BTNL9: variants seen among roughly 807,000 people sequenced by gnomAD.
BTNL9 encodes the protein butyrophilin-like protein 9.
A neutral mutation model predicts 45.8 loss-of-function variants in BTNL9; 45 were observed. That is an observed-to-expected ratio of 0.98 (90% confidence interval 0.77 to 1.26). The LOEUF (loss-of-function observed/expected upper bound fraction) is 1.26, where lower values mean the gene tolerates loss of function less well. Among genes scored for constraint, BTNL9 ranks in the 50% most tolerant of loss-of-function variants. The probability of loss-of-function intolerance (pLI) is 0.00; values close to 1 mark genes in which losing one functional copy is unlikely to be tolerated. For synonymous variants in BTNL9, 346 were observed against 330.8 expected, an observed-to-expected ratio of 1.05 and a Z score of -0.50; for missense variants, 784 against 729.7, an observed-to-expected ratio of 1.07 and a Z score of -0.86.
intron 1 of BTNL9, among the ~76,000 whole-genome samples, chr5:181,043,017 C>A (rs1307555247): frequency 6.6e-6 from 1 of 152,106 alleles, no homozygotes; most frequent in African/African-American, 2.4e-5. Flanking sequence ...CCACCACTCA[C>A]CCACTGTGTG....
At chr5:181,041,467 A>G (rs1483386438) in intron 1 of BTNL9, among the ~76,000 whole-genome samples, 1 of 152,250 alleles carries the variant, frequency 6.6e-6, no homozygotes, top group Non-Finnish European at 1.5e-5. Context: ...CAGGGAACCA[A>G]CTGAAGTTCC....
intron 1 of BTNL9, among the ~76,000 whole-genome samples, chr5:181,041,130 T>C (rs1760757081): frequency 6.6e-6 from 1 of 152,222 alleles, no homozygotes; most frequent in African/African-American, 2.4e-5. Context: ...AACGTGGTCA[T>C]TTAAGTGTGA....
intron 1 of BTNL9, among the ~76,000 whole-genome samples, chr5:181,043,218 CTG>C (rs1373821115): frequency 8.7e-5 from 3 of 34,354 alleles, no homozygotes; most frequent in African/African-American, 3.1e-4. Flanking sequence ...GTGTGTGCAT[CTG>C]TGTGTGTGTC....
At chr5:181,054,302 A>T in intron 7 of BTNL9, 43 bp downstream of exon 7, 5 of 1,598,922 alleles carry the variant, frequency 3.1e-6, no homozygotes, top group Admixed American at 3.6e-5. Flanking sequence ...TGTCAGCCGG[A>T]CCCTGTGCCT....
Position 181,059,724 on chromosome 5 carries a change from C to T in BTNL9, c.1470C>T (p.Ala490=), listed in dbSNP as rs1002723063. Residue 490 remains alanine, a synonymous_variant, in exon 11 of 11, where the codon GCC becomes GCT. Transcript: ENST00000327705. The part of the protein sequence containing the change: ...GALCAYFRPR[A]HDGGEHPDPL... ...TCTGTGCGTACTTCAGGCCCAGGGC[C>T]CACGACGGCGGCGAACATCCGGATC... 8 of 1,613,418 alleles carry T rather than the reference C, an allele frequency of 5.0e-6. No individual in the cohort carries two copies. The highest frequency in any genetic ancestry group is 6.8e-6 in the Non-Finnish European group (8 of 1,179,960).
intron 3 of BTNL9, 141 bp from the exon 4 acceptor site, chr5:181,049,947 G>T (rs1413819937): frequency 9.3e-7 from 1 of 1,077,614 alleles, no homozygotes; most frequent in Non-Finnish European, 1.3e-6. Context: ...TGGGCGGGGA[G>T]CGCCAAGCCC....
intron 3 of BTNL9, 87 bp downstream of exon 3, chr5:181,048,358 A>G: frequency 8.1e-7 from 1 of 1,234,914 alleles, no homozygotes. Context: ...GAACAGAAGA[A>G]TGTCGGTGAT....
chr5:181,046,342 C>G (rs1213409100), intron 2 of BTNL9, among the ~76,000 whole-genome samples: 3 of 151,984 alleles, frequency 2.0e-5, no homozygotes, highest in Non-Finnish European at 4.4e-5. Flanking sequence ...GCCCCCAACA[C>G]CTCCTGCACA....
At position 181,053,980 on chromosome 5, in the gene BTNL9, T is replaced by A; in HGVS notation, c.887-259T>A. 6.5e-7 allele frequency: 1 copy of A among 1,532,404 alleles called. No homozygotes were observed. Among genetic ancestry groups the A allele is most frequent in the Non-Finnish European group, 8.7e-7 (1 of 1,143,696 alleles). 94.9% of individuals were successfully genotyped at this position (1,532,404 alleles called of 1,614,324 possible). On this transcript the variant is annotated intron_variant, in intron 6 of 10. Transcript: ENST00000327705. This position sits in a 1 kb window ranked among gnomAD's most constrained non-coding sequence, Gnocchi z 6.5. The stretch of plus-strand genomic sequence containing the variant: ...CGCCGAGCTAATAGATTTGGGAGGC[T>A]CCGACCCTGATTTTCACACTAGCAG...
chr5:181,053,853 T>TCGGGC lies in BTNL9; in HGVS notation c.886+353_886+357dup. The TCGGGC allele has an allele frequency of 6.7e-7, 1 of 1,501,842 alleles. No individual in the cohort carries two copies. The highest frequency in any genetic ancestry group is 8.9e-7 in the Non-Finnish European group (1 of 1,125,928). 93.0% of individuals were successfully genotyped at this position (1,501,842 alleles called of 1,614,324 possible). The stretch of plus-strand genomic sequence containing the variant: ...CCAGGTTTTCATAGCGCACAGGGAG[T>TCGGGC]CGGGCGGATGCGCAACATCTCCGCA... On this transcript the variant is annotated intron_variant, in intron 6 of 10. Transcript: ENST00000327705. The surrounding 1 kb of genome is among the most constrained non-coding windows in gnomAD (Gnocchi z 6.5).
chr5:181,047,494 G>A (rs1209676788), intron 2 of BTNL9: 1 of 992,008 alleles, frequency 1.0e-6, no homozygotes, highest in East Asian at 1.1e-4. Flanking sequence ...ATCACCATCA[G>A]CAATTTGATG....
intron 7 of BTNL9, chr5:181,054,593 T>C (rs1761777281): frequency 1.0e-6 from 1 of 985,446 alleles, no homozygotes; most frequent in South Asian, 4.7e-5. Flanking sequence ...GGGTGGCACC[T>C]TTAATTTGCA....
Position 181,059,632 on chromosome 5 carries a change from C to T in BTNL9, c.1378C>T (p.Leu460=). ...GVFLDYEAGE[L]SFFNVSDGSH... The stretch of plus-strand genomic sequence containing the variant: ...CTTCCTGGACTACGAGGCCGGAGAG[C>T]TGTCCTTCTTCAACGTGTCCGACGG... Residue 460 remains leucine, a synonymous_variant, in exon 11 of 11, where the codon CTG becomes TTG. Coordinates refer to ENST00000327705, the MANE Select transcript of BTNL9 (RefSeq NM_152547.5). The T allele has an allele frequency of 6.2e-7, 1 of 1,613,634 alleles. No individual in the cohort carries two copies. The highest frequency in any genetic ancestry group is 1.1e-5 in the South Asian group (1 of 91,078).
intron 10 of BTNL9, 55 bp from the exon 11 acceptor site, chr5:181,059,182 C>T: frequency 1.4e-6 from 2 of 1,427,198 alleles, no homozygotes; most frequent in Non-Finnish European, 1.8e-6. Context: ...TTGGGGAAGA[C>T]ACGGACGGGG....
At position 181,055,942 on chromosome 5, in the gene BTNL9, T is replaced by C. The variant is rs79736358; in HGVS notation, c.929-47T>C. On this transcript the variant is annotated intron_variant, in intron 8 of 10. Coordinates refer to ENST00000327705, the MANE Select transcript of BTNL9 (RefSeq NM_152547.5). The surrounding 1 kb of genome is among the most constrained non-coding windows in gnomAD (Gnocchi z 4.4). Reference sequence around the variant, plus strand: ...AGATGTGATGTGTGAGCAGGGAAGCTTGGGGTCCTGATGTGCTAATTTCCT... The same window carrying C: ...AGATGTGATGTGTGAGCAGGGAAGCCTGGGGTCCTGATGTGCTAATTTCCT... 2.6e-3 allele frequency: 4,124 copies of C among 1,613,056 alleles called. 99 individuals carry two copies. In the African/African-American group the frequency reaches 0.047, roughly 19 times the overall value.
intron 10 of BTNL9, among the ~76,000 whole-genome samples, chr5:181,058,814 T>TAAAA (rs200022713): frequency 1.9e-4 from 26 of 134,988 alleles, no homozygotes; most frequent in African/African-American, 6.7e-4. Context: ...GGACTGTATG[T>TAAAA]AAAAAAAAAA....
chr5:181,042,712 G>GT lies in BTNL9; in HGVS notation c.-24+2280_-24+2281insT, dbSNP rs1760839661. ...TTGACAAAGTCTTAGGGAGACCTCA[G>GT]CTTTAAGTTGTTTTATCTGGCAGCG... On this transcript the variant is annotated intron_variant, in intron 1 of 10. Coordinates refer to ENST00000327705, the MANE Select transcript of BTNL9 (RefSeq NM_152547.5). This position sits in a 1 kb window ranked among gnomAD's most constrained non-coding sequence, Gnocchi z 4.5. Among the ~76,000 whole-genome samples the GT allele has an allele frequency of 6.6e-6, 1 of 152,182 alleles. No individual in the cohort carries two copies. The highest frequency in any genetic ancestry group is 6.5e-5 in the Admixed American group (1 of 15,276).
Position 181,059,356 on chromosome 5 carries a change from TC to T in BTNL9, c.1103del (p.Ser368TrpfsTer7). 6.5e-7 allele frequency: 1 copy of T among 1,541,744 alleles called. No individual in the cohort carries two copies. Among genetic ancestry groups the T allele is most frequent in the Non-Finnish European group, 8.7e-7 (1 of 1,146,254 alleles). On this transcript the variant is annotated frameshift_variant, in exon 11 of 11. Transcript: ENST00000327705. LOFTEE classifies it low-confidence loss of function (END_TRUNC). Reference protein sequence around the residue: ...GPAPGHPQRFSEQTCALSLER... With the variant: ...GPAPGHPQRFXEQTCALSLER... ...GGCGCCTGGCCACCCGCAGCGGTTCTCGGAGCAGACGTGCGCGCTGAGCCTG... is the reference window on the plus strand; with the variant it reads ...GGCGCCTGGCCACCCGCAGCGGTTCTGGAGCAGACGTGCGCGCTGAGCCTG...
At chr5:181,049,729 T>C (rs1761431608) in intron 3 of BTNL9, among the ~76,000 whole-genome samples, 1 of 152,180 alleles carries the variant, frequency 6.6e-6, no homozygotes, top group South Asian at 2.1e-4. Context: ...TCTGGGGGAA[T>C]TCAAGAGAAG....
Sources: gnomAD v4.1 joint callset for allele counts (sites outside exome capture counted in the v4.1 genomes callset) on GRCh38, gnomAD v4.1.1 for gene constraint, Gnocchi (gnomAD v3.1) non-coding constraint, MANE v1.5 for transcripts, NCBI Gene and HGNC (gene_info 2026-07-23, HGNC 2026-07-21) for gene names.